Variants in PARD3B observed in about 807,000 individuals in gnomAD.
PARD3B encodes par-3 family cell polarity regulator beta.
A neutral mutation model predicts 130.2 loss-of-function variants in PARD3B; 103 were observed. The observed-to-expected ratio is 0.79, with a 90% CI of 0.67 to 0.93. PARD3B has a LOEUF of 0.93. Among genes scored for constraint, PARD3B ranks in the 40% least tolerant of loss-of-function variants. PARD3B has a pLI of 0.00. For synonymous variants in PARD3B, 583 were observed against 553.2 expected (o/e 1.05, Z -0.76); for missense variants, 1,609 against 1,499.2 (o/e 1.07, Z -1.21).
In PARD3B at chr2:205,143,317, A is replaced by C. The variant is rs911854527; in HGVS notation, c.1435-15405A>C. 6.6e-5 allele frequency among the ~76,000 whole-genome samples: 10 copies of C among 152,316 alleles called. No homozygotes were observed. In the South Asian group the frequency reaches 1.7e-3, roughly 25 times the overall value. On this transcript the variant is annotated intron_variant, in intron 10 of 22. Transcript: ENST00000406610. ...CTTTCTTTTTCATGTATCAGCAAGT[A>C]AAAACGGGGCTGTGATGGATTAATT...
rs573122520 is a variant in PARD3B at position 204,887,220 on chromosome 2, A to C, written c.223-77932A>C. 6.6e-6 allele frequency among the ~76,000 whole-genome samples: 1 copy of C among 152,334 alleles called. No homozygotes were observed. The highest frequency in any genetic ancestry group is 2.1e-4 in the South Asian group (1 of 4,832). ...TTAAAGGAGTATTAGAATCCATAGT[A>C]GTATGTTTCCATCTCAGAACCCACA... On this transcript the variant is annotated intron_variant, in intron 2 of 22. Transcript: ENST00000406610. This position sits in a 1 kb window ranked among gnomAD's most constrained non-coding sequence, Gnocchi z 4.2.
At chr2:204,807,019 G>T (rs1260914212) in intron 2 of PARD3B, among the ~76,000 whole-genome samples, 2 of 152,124 alleles carry the variant, frequency 1.3e-5, no homozygotes, top group African/African-American at 4.8e-5. Context: ...CACAATTATT[G>T]CAGAAGGCGA....
At chr2:205,255,559 A>C (rs1038497293) in intron 16 of PARD3B, among the ~76,000 whole-genome samples, 1 of 152,262 alleles carries the variant, frequency 6.6e-6, no homozygotes, top group African/African-American at 2.4e-5. Flanking sequence ...AGCCAGTCCC[A>C]CGTCCTAAGT....
chr2:205,569,173 CT>C (rs35631253), intron 22 of PARD3B, among the ~76,000 whole-genome samples: 40,004 of 147,094 alleles, frequency 0.27, 6,313 homozygotes, highest in South Asian at 0.45. Flanking sequence ...TATTAGAATC[CT>C]TTTTTTTTTT....
chr2:205,585,261 G>A lies in PARD3B; in HGVS notation c.3261-30195G>A, dbSNP rs1003245743. 6.6e-6 allele frequency among the ~76,000 whole-genome samples: 1 copy of A among 152,172 alleles called. No individual in the cohort carries two copies. Among genetic ancestry groups the A allele is most frequent in the Admixed American group, 6.5e-5 (1 of 15,286 alleles). The stretch of plus-strand genomic sequence containing the variant: ...GTATGCCCTATCCCACAAAGTAAAT[G>A]CTGTCTTGGGCTTTTAAGTGAATTG... On this transcript the variant is annotated intron_variant, in intron 22 of 22. Transcript: ENST00000406610. The surrounding 1 kb of genome is among the most constrained non-coding windows in gnomAD (Gnocchi z 5.4).
At chr2:204,566,352 T>C (rs1279345316) in intron 1 of PARD3B, among the ~76,000 whole-genome samples, 1 of 152,248 alleles carries the variant, frequency 6.6e-6, no homozygotes, top group Admixed American at 6.5e-5. Flanking sequence ...CATTAGGAAA[T>C]GGCACTGCCA....
intron 4 of PARD3B, among the ~76,000 whole-genome samples, chr2:205,057,641 A>G (rs116298147): frequency 1.8e-4 from 26 of 142,848 alleles, no homozygotes; most frequent in African/African-American, 6.2e-4. Context: ...ATATACATAT[A>G]TGTGTATGTG....
In PARD3B at chr2:205,461,334, G is replaced by T; in HGVS notation, c.3044+20662G>T. Among the ~76,000 whole-genome samples the T allele has an allele frequency of 6.6e-6, 1 of 152,122 alleles. No individual in the cohort carries two copies. Among genetic ancestry groups the T allele is most frequent in the East Asian group, 1.9e-4 (1 of 5,178 alleles). ...GGCATGTGTGAAGAAGTGAAAGAAG[G>T]TCCTCTTACCAACACCAAGCAAGAG... is the stretch of plus-strand genomic sequence containing the variant. On this transcript the variant is annotated intron_variant, in intron 20 of 22. Coordinates refer to ENST00000406610, the MANE Select transcript of PARD3B (RefSeq NM_001302769.2). This position sits in a 1 kb window ranked among gnomAD's most constrained non-coding sequence, Gnocchi z 4.3.
intron 4 of PARD3B, among the ~76,000 whole-genome samples, chr2:205,056,580 A>G (rs1227833044): frequency 2.0e-5 from 3 of 149,976 alleles, no homozygotes; most frequent in Non-Finnish European, 4.5e-5. Context: ...CTGACAGACT[A>G]AAACCATTAA....
chr2:205,117,022 A>C (rs909131080), intron 6 of PARD3B, among the ~76,000 whole-genome samples: 1 of 152,178 alleles, frequency 6.6e-6, no homozygotes, highest in African/African-American at 2.4e-5. Context: ...GTACTGAATT[A>C]AATTAAAGGA....
At chr2:205,257,877 G>GTC (rs1228883190) in intron 16 of PARD3B, among the ~76,000 whole-genome samples, 1 of 152,086 alleles carries the variant, frequency 6.6e-6, no homozygotes. Flanking sequence ...TGAGCAAAGA[G>GTC]TCTCTACCCA....
chr2:205,251,113 T>C (rs1345092603), intron 16 of PARD3B, among the ~76,000 whole-genome samples: 4 of 152,178 alleles, frequency 2.6e-5, no homozygotes, highest in Non-Finnish European at 5.9e-5. Flanking sequence ...AGCTATCTGA[T>C]ACATCTTTAC....
Position 204,770,332 on chromosome 2 carries a change from C to T in PARD3B, c.222+84050C>T, listed in dbSNP as rs1044168055. Reference sequence around the variant, plus strand: ...GCGGCTTTGAGTGAGATTCTTAATCCTGAGTTCTAGTTTGATTGCACTGTG... The same window carrying T: ...GCGGCTTTGAGTGAGATTCTTAATCTTGAGTTCTAGTTTGATTGCACTGTG... On this transcript the variant is annotated intron_variant, in intron 2 of 22. Coordinates refer to ENST00000406610, the MANE Select transcript of PARD3B (RefSeq NM_001302769.2). Among the ~76,000 whole-genome samples the T allele has an allele frequency of 2.3e-5, 3 of 129,758 alleles. No individual in the cohort carries two copies. The South Asian group carries it at 8.7e-4, about 37-fold the overall frequency. 85.1% of individuals were successfully genotyped at this position (129,758 alleles called of 152,430 possible). A position where few individuals can be genotyped will look rare whatever the true frequency, so the allele number is the denominator to read the frequency against.
chr2:204,729,769 CT>C (rs2039405761), intron 2 of PARD3B, among the ~76,000 whole-genome samples: 1 of 151,966 alleles, frequency 6.6e-6, no homozygotes, highest in South Asian at 2.1e-4. Context: ...AGAATGACCC[CT>C]ATTTTTTATT....
chr2:204,698,157 C>A (rs2037706126), intron 2 of PARD3B, among the ~76,000 whole-genome samples: 1 of 152,084 alleles, frequency 6.6e-6, no homozygotes, highest in African/African-American at 2.4e-5. Context: ...CGCCTGTTTC[C>A]ATTGCGTTTT....
intron 4 of PARD3B, among the ~76,000 whole-genome samples, chr2:205,050,041 A>T (rs895805735): frequency 1.3e-5 from 2 of 152,090 alleles, no homozygotes; most frequent in Admixed American, 1.3e-4. Flanking sequence ...ATTGTGCCTT[A>T]TGTATCTTTA....
At chr2:204,813,448 G>A (rs541390300) in intron 2 of PARD3B, among the ~76,000 whole-genome samples, 1 of 151,972 alleles carries the variant, frequency 6.6e-6, no homozygotes, top group African/African-American at 2.4e-5. Context: ...TATATGATTT[G>A]ATAGTACTTT....
chr2:204,658,998 T>C (rs13432594), intron 1 of PARD3B, among the ~76,000 whole-genome samples: 2,039 of 152,300 alleles, frequency 0.013, 42 homozygotes, highest in African/African-American at 0.047. Context: ...ATCTTTGTCC[T>C]TGAAAATGTA....
chr2:204,563,274 T>TCTTTC (rs2031463307), intron 1 of PARD3B, among the ~76,000 whole-genome samples: 1 of 144,228 alleles, frequency 6.9e-6, no homozygotes, highest in African/African-American at 2.6e-5. Context: ...TCTTTCTCTC[T>TCTTTC]TCTCCCTTTA....
Sources: allele counts gnomAD v4.1 joint callset (sites outside exome capture counted in the v4.1 genomes callset), GRCh38; gene constraint gnomAD v4.1.1; non-coding constraint Gnocchi (gnomAD v3.1); transcripts MANE v1.5; gene names NCBI Gene and HGNC (gene_info 2026-07-23, HGNC 2026-07-21).